The following DYNC2H1 variants were observed in gnomAD, a reference collection of about 807,000 sequenced individuals.
The protein encoded by DYNC2H1 is dynein cytoplasmic 2 heavy chain 1.
Under a neutral mutation model 570.0 loss-of-function variants are expected in DYNC2H1, and 410 were observed. The ratio of observed to expected loss-of-function variants is 0.72; its 90% confidence interval spans 0.66 to 0.78. The LOEUF (loss-of-function observed/expected upper bound fraction) is 0.78. Among genes scored for constraint, DYNC2H1 ranks in the 30% least tolerant of loss-of-function variants. The pLI is 0.00. For synonymous variants in DYNC2H1, 1,688 were observed against 1,677.6 expected (o/e 1.01, Z -0.15); for missense variants, 4,865 against 5,046.4 (o/e 0.96, Z 1.09).
intron 82 of DYNC2H1, among the ~76,000 whole-genome samples, chr11:103,341,321 T>G (rs1179862010): frequency 6.6e-6 from 1 of 152,236 alleles, no homozygotes; most frequent in African/African-American, 2.4e-5. Context: ...AGCTTTTTTC[T>G]TTTCTTCCCC....
chr11:103,349,489 AG>A (rs1939935554), intron 82 of DYNC2H1, among the ~76,000 whole-genome samples: 1 of 152,128 alleles, frequency 6.6e-6, no homozygotes, highest in Non-Finnish European at 1.5e-5. Context: ...TATCATCTCA[AG>A]GCAGATACAG....
intron 85 of DYNC2H1, among the ~76,000 whole-genome samples, chr11:103,442,968 CCT>C (rs1491492087): frequency 7.9e-5 from 9 of 113,266 alleles, no homozygotes; most frequent in Admixed American, 2.0e-4. Flanking sequence ...ATTTATGAGC[CCT>C]TTTTTTTTTT....
chr11:103,171,678 A>G (rs1255527162), intron 34 of DYNC2H1, among the ~76,000 whole-genome samples: 2 of 152,134 alleles, frequency 1.3e-5, no homozygotes, highest in African/African-American at 2.4e-5. Context: ...GTATTGTCTC[A>G]TTTAATAATT....
At chr11:103,287,094 A>G (rs1866380815) in intron 74 of DYNC2H1, among the ~76,000 whole-genome samples, 1 of 152,136 alleles carries the variant, frequency 6.6e-6, no homozygotes, top group African/African-American at 2.4e-5. Context: ...GTGAGATGTG[A>G]TTGCACCACT....
Position 103,235,813 on chromosome 11 carries a change from AGTTT to A in DYNC2H1, c.9709+3_9709+6del. The A allele has an allele frequency of 6.2e-7, 1 of 1,610,494 alleles. No homozygotes were observed. Among genetic ancestry groups the A allele is most frequent in the Non-Finnish European group, 8.5e-7 (1 of 1,177,746 alleles). On this transcript the variant is annotated splice_donor_variant and splice_donor_region_variant and intron_variant, in intron 62 of 88. Transcript: ENST00000375735. LOFTEE classifies it high-confidence loss of function. The stretch of plus-strand genomic sequence containing the variant: ...ATGGACCAAGTCAGCTGGTCTTGAG[AGTTT>A]GTATTTAGTTATTCCTGATCTTGAG...
In DYNC2H1 at chr11:103,188,504, C is replaced by T. The variant is rs937205550; in HGVS notation, c.7148C>T (p.Thr2383Met). Residue 2383 changes from threonine to methionine, a missense_variant, in exon 44 of 89, where the codon ACG becomes ATG. By Grantham distance (81) the Thr-to-Met change is moderately conservative. Transcript: ENST00000375735. ...TLVAFLQQVL[T>M]YQGFYDENLE... ...ATATTTATTTTCAAATAGGTATTGA[C>T]GTATCAAGGATTTTATGATGAAAAT... is the stretch of plus-strand genomic sequence containing the variant. 2.1e-5 allele frequency: 34 copies of T among 1,592,316 alleles called. No individual in the cohort carries two copies. Among genetic ancestry groups the T allele is most frequent in the South Asian group, 4.6e-5 (4 of 87,678 alleles).
intron 84 of DYNC2H1, chr11:103,407,791 A>G (rs576866022): frequency 3.3e-5 from 5 of 152,140 alleles, no homozygotes; most frequent in Admixed American, 3.3e-4. Context: ...GTTAGCTCAA[A>G]AGGGCCCCAG....
intron 84 of DYNC2H1, among the ~76,000 whole-genome samples, chr11:103,432,211 C>A (rs1021016217): frequency 6.6e-6 from 1 of 152,058 alleles, no homozygotes; most frequent in Non-Finnish European, 1.5e-5. Context: ...ATCGTTGTTA[C>A]GTAGAATAAG....
At chr11:103,271,911 A>G (rs1209794351) in intron 70 of DYNC2H1, among the ~76,000 whole-genome samples, 1 of 152,232 alleles carries the variant, frequency 6.6e-6, no homozygotes, top group South Asian at 2.1e-4. Flanking sequence ...ATCATTAAAA[A>G]GTCAGGAAAC....
At chr11:103,158,482 A>G (rs1860934548) in intron 26 of DYNC2H1, among the ~76,000 whole-genome samples, 195 bp from the exon 27 acceptor site, 1 of 152,134 alleles carries the variant, frequency 6.6e-6, no homozygotes, top group South Asian at 2.1e-4. Context: ...CAAATGAAAT[A>G]TATAAGATAA....
chr11:103,337,427 A>G (rs1315638751), intron 82 of DYNC2H1, among the ~76,000 whole-genome samples: 1 of 152,148 alleles, frequency 6.6e-6, no homozygotes, highest in Non-Finnish European at 1.5e-5. Flanking sequence ...TGGACAATAT[A>G]GTATTTCTAT....
intron 83 of DYNC2H1, among the ~76,000 whole-genome samples, chr11:103,374,712 C>A (rs558611474): frequency 1.3e-4 from 20 of 152,056 alleles, no homozygotes; most frequent in Non-Finnish European, 2.8e-4. Context: ...TTGACCCTGC[C>A]CTAGAGAACT....
chr11:103,309,297 T>C (rs559910398), intron 78 of DYNC2H1, among the ~76,000 whole-genome samples: 2 of 150,354 alleles, frequency 1.3e-5, no homozygotes, highest in African/African-American at 4.9e-5. Flanking sequence ...ACCTCAGCTT[T>C]CTGAGTAGGT....
intron 17 of DYNC2H1, among the ~76,000 whole-genome samples, chr11:103,137,637 G>A (rs1342480021): frequency 2.0e-5 from 3 of 152,008 alleles, no homozygotes; most frequent in Admixed American, 6.6e-5. Context: ...TAGCCTTGTA[G>A]TATAGTTTGA....
chr11:103,258,000 T>C (rs1170801848), intron 69 of DYNC2H1, among the ~76,000 whole-genome samples: 1 of 152,200 alleles, frequency 6.6e-6, no homozygotes, highest in African/African-American at 2.4e-5. Context: ...TAATAAGTAA[T>C]ATATAATCAT....
intron 50 of DYNC2H1, among the ~76,000 whole-genome samples, chr11:103,202,696 G>A (rs1019646147): frequency 1.3e-5 from 2 of 152,042 alleles, no homozygotes; most frequent in Non-Finnish European, 2.9e-5. Context: ...GGCCTTATAT[G>A]AATGCATTAT....
chr11:103,329,489 T>C (rs1159648716), intron 82 of DYNC2H1, among the ~76,000 whole-genome samples: 1 of 152,076 alleles, frequency 6.6e-6, no homozygotes, highest in East Asian at 1.9e-4. Context: ...ATATAGGTGA[T>C]TAATTTAGGA....
intron 83 of DYNC2H1, among the ~76,000 whole-genome samples, chr11:103,366,721 A>G (rs1940925547): frequency 6.6e-6 from 1 of 152,182 alleles, no homozygotes; most frequent in African/African-American, 2.4e-5. Flanking sequence ...ATAGATTGTC[A>G]TAATGACTAG....
intron 35 of DYNC2H1, 103 bp downstream of exon 35, chr11:103,173,408 AT>A: frequency 5.1e-6 from 4 of 791,280 alleles, no homozygotes; most frequent in Non-Finnish European, 7.3e-6. Flanking sequence ...CTATTGCATG[AT>A]TTTTATTCTG....
Sources: allele counts gnomAD v4.1 joint callset (sites outside exome capture counted in the v4.1 genomes callset), GRCh38; gene constraint gnomAD v4.1.1; transcripts MANE v1.5; gene names NCBI Gene and HGNC (gene_info 2026-07-23, HGNC 2026-07-21).